The following DSCAM variants were observed in gnomAD, a reference collection of about 807,000 sequenced individuals.
DSCAM encodes the protein cell adhesion molecule DSCAM.
In DSCAM, 47 loss-of-function variants were observed where a neutral mutation model predicts 217.7. That is an observed-to-expected ratio of 0.22 (90% confidence interval 0.17 to 0.28). The LOEUF is 0.28. Ranked by LOEUF, DSCAM falls within the 10% of genes least tolerant of loss-of-function variation. DSCAM has a pLI of 1.00. For missense variants in DSCAM, 2,080 were observed against 2,618.3 expected (o/e 0.79, Z 4.49); for synonymous variants, 1,056 against 1,015.3 (o/e 1.04, Z -0.76).
At chr21:40,725,228 G>C (rs1041213675) in intron 1 of DSCAM, among the ~76,000 whole-genome samples, 1 of 152,186 alleles carries the variant, frequency 6.6e-6, no homozygotes, top group Admixed American at 6.5e-5. Flanking sequence ...TGTCCTTAGA[G>C]TGTTTGTAAA....
chr21:40,516,888 C>CATATATATATATAT (rs55695954), intron 3 of DSCAM, among the ~76,000 whole-genome samples: 150 of 143,476 alleles, frequency 1.0e-3, no homozygotes, highest in African/African-American at 3.6e-3. Context: ...ACACACACAC[C>CATATATATATATAT]ATATATATAT....
In DSCAM at chr21:40,187,255, G is replaced by C. The variant is rs2297267; in HGVS notation, c.2655C>G (p.Pro885=). 1 of 1,613,890 alleles carries C rather than the reference G, an allele frequency of 6.2e-7. No homozygotes were observed. The highest frequency in any genetic ancestry group is 8.5e-7 in the Non-Finnish European group (1 of 1,179,884). The change falls in exon 14 of 33, where the codon CCC becomes CCG. Residue 885 remains proline, a synonymous_variant. Transcript: ENST00000400454. ...RGIIQLTVQE[P]PDPPEIEIKD... Reference sequence around the variant, plus strand: ...TGATCTCAATTTCGGGAGGGTCTGGGGGCTCTGTGCCATCAACAGAAAGAC... The same window carrying C: ...TGATCTCAATTTCGGGAGGGTCTGGCGGCTCTGTGCCATCAACAGAAAGAC...
At chr21:40,245,702 T>C (rs866013312) in intron 11 of DSCAM, among the ~76,000 whole-genome samples, 1 of 152,212 alleles carries the variant, frequency 6.6e-6, no homozygotes, top group African/African-American at 2.4e-5. Flanking sequence ...GAAGAGATTG[T>C]GTGTGAGCCT....
At chr21:40,403,573 G>A (rs925026407) in intron 3 of DSCAM, among the ~76,000 whole-genome samples, 1 of 151,840 alleles carries the variant, frequency 6.6e-6, no homozygotes, top group African/African-American at 2.4e-5. Context: ...TGGTTTGGCA[G>A]GCTAATCATT....
At chr21:40,198,242 A>G (rs969478864) in intron 11 of DSCAM, among the ~76,000 whole-genome samples, 3 of 152,210 alleles carry the variant, frequency 2.0e-5, no homozygotes, top group African/African-American at 7.2e-5. Flanking sequence ...TTAAAGTTCT[A>G]AAATATAAAG....
chr21:40,075,592 A>T (rs570229809), intron 26 of DSCAM, among the ~76,000 whole-genome samples: 1 of 152,334 alleles, frequency 6.6e-6, no homozygotes, highest in African/African-American at 2.4e-5. Context: ...AAAATTGCAC[A>T]TCAAAGAATG....
chr21:40,348,302 C>G (rs1397785247), intron 5 of DSCAM, among the ~76,000 whole-genome samples: 1 of 134,026 alleles, frequency 7.5e-6, no homozygotes, highest in Non-Finnish European at 1.6e-5. Flanking sequence ...GAGTTCCTAT[C>G]AGCCACATTA....
In DSCAM at chr21:40,111,350, C is replaced by T. The variant is rs1366706248; in HGVS notation, c.3696+12845G>A. ...AGTGAAGGAGAAATAAAATACTTTACAGACAAGCAAATGCTGAGAGATTTT... is the reference window on the plus strand; with the variant it reads ...AGTGAAGGAGAAATAAAATACTTTATAGACAAGCAAATGCTGAGAGATTTT... On this transcript the variant is annotated intron_variant, in intron 20 of 32. Transcript: ENST00000400454. Among the ~76,000 whole-genome samples, 7 of 151,936 alleles carry T rather than the reference C, an allele frequency of 4.6e-5. No individual in the cohort carries two copies. In the East Asian group the frequency reaches 1.4e-3, roughly 29 times the overall value.
chr21:40,611,057 A>ATTTTT lies in DSCAM; in HGVS notation c.508+81748_508+81752dup, dbSNP rs527262141. Among the ~76,000 whole-genome samples, 108 of 129,790 alleles carry ATTTTT rather than the reference A, an allele frequency of 8.3e-4. 3 individuals are homozygous for ATTTTT. The highest frequency in any genetic ancestry group is 4.4e-3 in the Middle Eastern group (1 of 228). The allele number at this position is 129,790 out of a possible 152,430, so 85.1% of individuals were successfully genotyped here. A position where few individuals can be genotyped will look rare whatever the true frequency, so the allele number is the denominator to read the frequency against. On this transcript the variant is annotated intron_variant, in intron 3 of 32. Transcript: ENST00000400454. ...AAGAAACAGGTGAAATTAGTTTTCA[A>ATTTTT]TTTTTTTTTTTTTTTTTTTGGGATG...
In DSCAM at chr21:40,296,039, T is replaced by A. The variant is rs1394438053; in HGVS notation, c.2182+16A>T. On this transcript the variant is annotated intron_variant, in intron 10 of 32. Coordinates refer to ENST00000400454, the MANE Select transcript of DSCAM (RefSeq NM_001389.5). ...AAATGTTTGACAGGTAACAAGTAGA[T>A]CAAGTAACTCCATACCTTTAGAGAA... is the stretch of plus-strand genomic sequence containing the variant. The A allele has an allele frequency of 6.2e-7, 1 of 1,609,722 alleles. No individual in the cohort carries two copies. Among genetic ancestry groups the A allele is most frequent in the South Asian group, 1.1e-5 (1 of 89,802 alleles).
chr21:40,317,822 C>T (rs1183906840), intron 8 of DSCAM, among the ~76,000 whole-genome samples: 4 of 152,074 alleles, frequency 2.6e-5, no homozygotes, highest in East Asian at 1.9e-4. Context: ...CGTGAGCCAC[C>T]GAGCCTGGAT....
At chr21:40,195,628 G>A (rs1437901557) in intron 11 of DSCAM, among the ~76,000 whole-genome samples, 1 of 152,148 alleles carries the variant, frequency 6.6e-6, no homozygotes, top group Non-Finnish European at 1.5e-5. Flanking sequence ...TGTATCCTGG[G>A]AAGTTTCTCA....
At chr21:40,268,394 C>T (rs1007836575) in intron 11 of DSCAM, among the ~76,000 whole-genome samples, 1 of 152,132 alleles carries the variant, frequency 6.6e-6, no homozygotes, top group Non-Finnish European at 1.5e-5. Context: ...CCATATGGCA[C>T]TCAGACTTCT....
At chr21:40,502,291 G>A (rs1367464187) in intron 3 of DSCAM, among the ~76,000 whole-genome samples, 9 of 152,096 alleles carry the variant, frequency 5.9e-5, no homozygotes, top group Admixed American at 5.9e-4. Flanking sequence ...CAAATCTAGT[G>A]TGTCATTTAA....
Position 40,621,742 on chromosome 21 carries a change from G to C in DSCAM, c.508+71068C>G, listed in dbSNP as rs375231067. Among the ~76,000 whole-genome samples the C allele has an allele frequency of 2.6e-5, 4 of 152,000 alleles. No individual in the cohort carries two copies. In the East Asian group the frequency reaches 7.8e-4, roughly 29 times the overall value. On this transcript the variant is annotated intron_variant, in intron 3 of 32. Coordinates refer to ENST00000400454, the MANE Select transcript of DSCAM (RefSeq NM_001389.5). ...CAAGGGGAGTTCGTAAATTTATTTAGAGGCCATGTACAGAGATGGCCCCAA... is the reference window on the plus strand; with the variant it reads ...CAAGGGGAGTTCGTAAATTTATTTACAGGCCATGTACAGAGATGGCCCCAA...
intron 26 of DSCAM, among the ~76,000 whole-genome samples, chr21:40,075,421 T>A (rs2089352411): frequency 1.3e-5 from 2 of 152,198 alleles, no homozygotes; most frequent in Non-Finnish European, 2.9e-5. Context: ...TATTCTATAG[T>A]GCACGTTTGA....
intron 10 of DSCAM, among the ~76,000 whole-genome samples, chr21:40,291,183 G>A (rs969694137): frequency 2.0e-5 from 3 of 152,122 alleles, no homozygotes; most frequent in Non-Finnish European, 4.4e-5. Context: ...GAATCCATTT[G>A]TCCCTCCTCC....
chr21:40,152,965 C>T (rs1254787425), intron 16 of DSCAM, among the ~76,000 whole-genome samples: 1 of 152,240 alleles, frequency 6.6e-6, no homozygotes, highest in African/African-American at 2.4e-5. Context: ...CAGAATTTCA[C>T]GTTTGAAGAA....
In DSCAM at chr21:40,349,317, G is replaced by GA. The variant is rs1001165366; in HGVS notation, c.935-1373dup. On this transcript the variant is annotated intron_variant, in intron 5 of 32. Transcript: ENST00000400454. ...AGGGCCAATAACACACAATTGTGAG[G>GA]AAAAAAAAAACAAAAACAGGTTGGT... is the stretch of plus-strand genomic sequence containing the variant. Among the ~76,000 whole-genome samples, 761 of 143,966 alleles carry GA rather than the reference G, an allele frequency of 5.3e-3. 8 individuals carry two copies. Among genetic ancestry groups the GA allele is most frequent in the African/African-American group, 0.017 (656 of 39,274 alleles). The allele number at this position is 143,966 out of a possible 152,430, so 94.4% of individuals were successfully genotyped here. A position where few individuals can be genotyped will look rare whatever the true frequency, so the allele number is the denominator to read the frequency against.
Sources: gnomAD v4.1 joint callset for allele counts (sites outside exome capture counted in the v4.1 genomes callset) on GRCh38, gnomAD v4.1.1 for gene constraint, MANE v1.5 for transcripts, NCBI Gene and HGNC (gene_info 2026-07-23, HGNC 2026-07-21) for gene names.